RDX: variants seen among roughly 807,000 people sequenced by gnomAD.
The protein encoded by RDX is radixin.
Under a neutral mutation model 83.7 loss-of-function variants are expected in RDX, and 32 were observed. The ratio of observed to expected loss-of-function variants is 0.38; its 90% CI spans 0.29 to 0.51. The LOEUF is 0.51. Among genes scored for constraint, RDX ranks in the 20% least tolerant of loss-of-function variants. RDX has a pLI of 0.87. For synonymous variants in RDX, 229 were observed against 222.7 expected (o/e 1.03, Z -0.25); for missense variants, 600 against 689.9 (o/e 0.87, Z 1.46).
At chr11:110,289,238 CAAAAAAAAAA>C (rs753424624) in intron 1 of RDX, among the ~76,000 whole-genome samples, 2 of 54,360 alleles carry the variant, frequency 3.7e-5, no homozygotes, top group South Asian at 6.0e-4. Flanking sequence ...AACTCTATCT[CAAAAAAAAAA>C]AAAAAAAAAA....
chr11:110,273,721 T>G (rs1011231858), intron 2 of RDX, among the ~76,000 whole-genome samples: 1 of 152,262 alleles, frequency 6.6e-6, no homozygotes, highest in African/African-American at 2.4e-5. Flanking sequence ...TCTTTTTAGC[T>G]TTTTAAATTA....
In RDX at chr11:110,279,773, AG is replaced by A; in HGVS notation, c.-64-18del. ...TATCACTTTCTGTTAAAAAAAAAAA[AG>A]CATAATCTATTATCTTTTTATATAA... On this transcript the variant is annotated intron_variant, in intron 1 of 13. Coordinates refer to ENST00000645495, the MANE Select transcript of RDX (RefSeq NM_002906.4). The A allele has an allele frequency of 1.3e-6, 1 of 767,772 alleles. No individual in the cohort carries two copies. The highest frequency in any genetic ancestry group is 2.2e-6 in the Non-Finnish European group (1 of 455,162). The allele number at this position is 767,772 out of a possible 1,614,324, so 47.6% of individuals were successfully genotyped here.
chr11:110,206,466 T>C (rs1236924360), intron 14 of RDX, among the ~76,000 whole-genome samples: 4 of 151,984 alleles, frequency 2.6e-5, no homozygotes, highest in Non-Finnish European at 4.4e-5. Context: ...ATAAAGTTCA[T>C]GTGTGGGCAA....
intron 15 of RDX, among the ~76,000 whole-genome samples, chr11:110,194,969 G>T (rs1259951536): frequency 7.1e-6 from 1 of 140,098 alleles, no homozygotes; most frequent in Non-Finnish European, 1.6e-5. Context: ...TGACTTTTTT[G>T]GTTGTTTTTT....
chr11:110,289,790 T>C lies in RDX; in HGVS notation c.-65+6677A>G, dbSNP rs1270088. Among the ~76,000 whole-genome samples the C allele has an allele frequency of 1.8e-4, 28 of 151,436 alleles. No homozygotes were observed. The East Asian group carries it at 4.3e-3, about 23-fold the overall frequency. On this transcript the variant is annotated intron_variant, in intron 1 of 13. Coordinates refer to ENST00000645495, the MANE Select transcript of RDX (RefSeq NM_002906.4). Reference sequence around the variant, plus strand: ...AAATTAGTCCCGTCTCTACTAAAAATATAAAAATTAGTCAGACGTGGTGAC... The same window carrying C: ...AAATTAGTCCCGTCTCTACTAAAAACATAAAAATTAGTCAGACGTGGTGAC...
intron 1 of RDX, among the ~76,000 whole-genome samples, chr11:110,292,685 T>C (rs891528384): frequency 2.2e-4 from 33 of 151,622 alleles, no homozygotes; most frequent in African/African-American, 6.3e-4. Flanking sequence ...CTGAAAGCCA[T>C]AGAGATTATC....
At chr11:110,219,042 T>C (rs548166759) in intron 14 of RDX, among the ~76,000 whole-genome samples, 1 of 152,268 alleles carries the variant, frequency 6.6e-6, no homozygotes, top group Admixed American at 6.5e-5. Context: ...TATAGTATGC[T>C]AGATGGTAAG....
In RDX at chr11:110,236,178, G is replaced by A. The variant is rs1253939697; in HGVS notation, c.1265C>T (p.Ala422Val). 6.2e-7 allele frequency: 1 copy of A among 1,612,286 alleles called. No homozygotes were observed. The stretch of plus-strand genomic sequence containing the variant: ...AAGTGCAATCTTGGCAGTGAATTCA[G>A]CAAGTTCTGCTGCCTAAAGTAAACA... ...KNQEQLAAEL[A>V]EFTAKIALLE... Residue 422 changes from alanine (A) to valine (V), a missense_variant, in exon 12 of 14, where the codon GCT becomes GTT. By Grantham distance (64) the Ala-to-Val change is moderately conservative (BLOSUM62 0). Transcript: ENST00000645495.
intron 15 of RDX, among the ~76,000 whole-genome samples, chr11:110,192,870 A>C (rs1863128943): frequency 6.6e-6 from 1 of 152,178 alleles, no homozygotes; most frequent in Non-Finnish European, 1.5e-5. Flanking sequence ...AAAAAACAGC[A>C]GATGCTGGTG....
At chr11:110,274,171 T>A (rs554179611) in intron 2 of RDX, among the ~76,000 whole-genome samples, 1 of 152,342 alleles carries the variant, frequency 6.6e-6, no homozygotes, top group East Asian at 1.9e-4. Flanking sequence ...AAATGATATA[T>A]ACAAAACATC....
At chr11:110,252,101 A>C (rs1239427904) in intron 9 of RDX, among the ~76,000 whole-genome samples, 1 of 152,226 alleles carries the variant, frequency 6.6e-6, no homozygotes, top group African/African-American at 2.4e-5. Flanking sequence ...AAAGACTGCC[A>C]ATTCCTAGGT....
At chr11:110,232,879 T>C (rs556477053) in intron 13 of RDX, among the ~76,000 whole-genome samples, 15 of 152,256 alleles carry the variant, frequency 9.9e-5, no homozygotes, top group African/African-American at 2.6e-4. Flanking sequence ...CCTCCCAGAG[T>C]GCTGGGATTA....
intron 1 of RDX, among the ~76,000 whole-genome samples, chr11:110,283,757 T>A (rs1055823154): frequency 1.3e-5 from 2 of 151,886 alleles, no homozygotes; most frequent in Non-Finnish European, 2.9e-5. Flanking sequence ...AAAATTATAG[T>A]TTTGGAAGAA....
intron 14 of RDX, among the ~76,000 whole-genome samples, chr11:110,200,746 T>C (rs1863371893): frequency 6.6e-6 from 1 of 152,230 alleles, no homozygotes; most frequent in South Asian, 2.1e-4. Flanking sequence ...TTATTAATGG[T>C]TTTATAATTC....
intron 15 of RDX, among the ~76,000 whole-genome samples, chr11:110,187,419 T>C (rs1319255394): frequency 1.3e-5 from 2 of 152,204 alleles, no homozygotes; most frequent in East Asian, 1.9e-4. Flanking sequence ...TCCAGGCATA[T>C]AGAGCACCTT....
chr11:110,270,108 G>GTGTGTGCA (rs1404562014), intron 3 of RDX, among the ~76,000 whole-genome samples: 1 of 152,114 alleles, frequency 6.6e-6, no homozygotes, highest in Non-Finnish European at 1.5e-5. Context: ...AATATGAACT[G>GTGTGTGCA]TGTGTGCATG....
downstream of RDX, among the ~76,000 whole-genome samples, chr11:110,225,987 A>G (rs1864420415): frequency 6.7e-6 from 1 of 149,594 alleles, no homozygotes; most frequent in Admixed American, 6.8e-5. Context: ...AATCGCTTGA[A>G]CCCAGGAGGC....
Position 110,231,234 on chromosome 11 carries a change from A to T in RDX, c.*635T>A, listed in dbSNP as rs1864622798. On this transcript the variant is annotated 3_prime_UTR_variant, in exon 14 of 14. Transcript: ENST00000645495. ...ATAACCAAATATCAAATATCCAATA[A>T]GGTAATTAAATTTAGATTAAAAAAA... is the stretch of plus-strand genomic sequence containing the variant. 1 of 153,210 alleles carries T rather than the reference A, an allele frequency of 6.5e-6. No homozygotes were observed. 9.5% of individuals were successfully genotyped at this position (153,210 alleles called of 1,614,324 possible). A position where few individuals can be genotyped will look rare whatever the true frequency, so the allele number is the denominator to read the frequency against.
intron 1 of RDX, among the ~76,000 whole-genome samples, chr11:110,283,848 AAAAT>A (rs1325408073): frequency 9.6e-5 from 14 of 145,798 alleles, no homozygotes; most frequent in Non-Finnish European, 2.0e-4. Flanking sequence ...CTACATAGGT[AAAAT>A]AAATACCAAA....
Sources: gnomAD v4.1 joint callset for allele counts (sites outside exome capture counted in the v4.1 genomes callset) on GRCh38, gnomAD v4.1.1 for gene constraint, MANE v1.5 for transcripts, NCBI Gene and HGNC (gene_info 2026-07-23, HGNC 2026-07-21) for gene names.